CHST8: variants seen among roughly 807,000 people sequenced by gnomAD.
The protein encoded by CHST8 is GALNAC-4-ST1.
CHST8 carries 10 observed loss-of-function variants against 15.0 expected under a neutral mutation model. That is an observed-to-expected ratio of 0.67 (90% CI 0.41 to 1.13). CHST8 has a LOEUF of 1.13. Ranked by LOEUF, CHST8 falls within the 50% of genes most tolerant of loss-of-function variation. CHST8 has a pLI of 0.00. For synonymous variants in CHST8, 259 were observed against 256.6 expected (o/e 1.01, Z -0.09); for missense variants, 634 against 608.2 (o/e 1.04, Z -0.45).
At chr19:33,627,693 C>A (rs2145432975) in intron 1 of CHST8, among the ~76,000 whole-genome samples, 1 of 152,354 alleles carries the variant, frequency 6.6e-6, no homozygotes, top group East Asian at 1.9e-4. Context: ...AAATTAGAAT[C>A]ATCAACGTTG....
chr19:33,675,184 G>T (rs1487233389), intron 2 of CHST8, among the ~76,000 whole-genome samples: 1 of 152,122 alleles, frequency 6.6e-6, no homozygotes, highest in Non-Finnish European at 1.5e-5. Flanking sequence ...GTTTCATCCC[G>T]CTGTTTCCAG....
At chr19:33,645,372 C>T (rs1972339548) in intron 1 of CHST8, among the ~76,000 whole-genome samples, 1 of 152,176 alleles carries the variant, frequency 6.6e-6, no homozygotes, top group Non-Finnish European at 1.5e-5. Flanking sequence ...TATTTTAAAA[C>T]AGGTTCCCTG....
intron 3 of CHST8, among the ~76,000 whole-genome samples, chr19:33,701,007 T>C (rs1452981819): frequency 1.3e-5 from 2 of 152,050 alleles, no homozygotes; most frequent in East Asian, 3.9e-4. Context: ...CCGAGCCTAG[T>C]GGGTTTGATG....
chr19:33,739,593 T>C (rs1001326563), intron 3 of CHST8, among the ~76,000 whole-genome samples: 1 of 152,242 alleles, frequency 6.6e-6, no homozygotes, highest in African/African-American at 2.4e-5. Flanking sequence ...GTGGTTGATA[T>C]CTCACTGATA....
chr19:33,670,997 A>G (rs1972729617), intron 2 of CHST8, among the ~76,000 whole-genome samples: 1 of 152,178 alleles, frequency 6.6e-6, no homozygotes, highest in Admixed American at 6.5e-5. Flanking sequence ...GGACCCCGGC[A>G]TCCTGGCAGT....
intron 1 of CHST8, among the ~76,000 whole-genome samples, chr19:33,655,761 ATGT>A (rs1389387655): frequency 1.3e-5 from 2 of 151,674 alleles, no homozygotes; most frequent in African/African-American, 4.8e-5. Context: ...TTTCTTATTA[ATGT>A]TGTTTTTTTT....
At chr19:33,748,723 T>C (rs923102044) in intron 3 of CHST8, among the ~76,000 whole-genome samples, 11 of 152,168 alleles carry the variant, frequency 7.2e-5, no homozygotes, top group Non-Finnish European at 1.5e-4. Context: ...ATTATACAGA[T>C]AGTGAAACTG....
intron 3 of CHST8, among the ~76,000 whole-genome samples, chr19:33,691,131 A>G (rs980751077): frequency 6.6e-6 from 1 of 152,224 alleles, no homozygotes; most frequent in African/African-American, 2.4e-5. Flanking sequence ...AAGAGTGCTC[A>G]CTGCGCAGGT....
intron 3 of CHST8, among the ~76,000 whole-genome samples, chr19:33,756,812 A>G (rs1974555956): frequency 6.6e-6 from 1 of 152,176 alleles, no homozygotes; most frequent in Non-Finnish European, 1.5e-5. Context: ...TGACTTCTGA[A>G]CATGCAACCC....
chr19:33,657,359 C>T lies in CHST8; in HGVS notation c.-163-10408C>T, dbSNP rs1484405553. ...TCTCAGCTCACTGCAACCTCCACCT[C>T]CCAGGTTCAAGCAATTCTCCTGCCT... is the stretch of plus-strand genomic sequence containing the variant. On this transcript the variant is annotated intron_variant, in intron 1 of 4. Transcript: ENST00000650847. Among the ~76,000 whole-genome samples the T allele has an allele frequency of 2.6e-5, 4 of 151,920 alleles. No individual in the cohort carries two copies. In the East Asian group the frequency reaches 7.8e-4, roughly 29 times the overall value.
chr19:33,763,513 A>C (rs996952902), intron 3 of CHST8, among the ~76,000 whole-genome samples: 2 of 152,128 alleles, frequency 1.3e-5, no homozygotes, highest in African/African-American at 2.4e-5. Context: ...CTGGAACCCC[A>C]CGTACCTGTC....
intron 3 of CHST8, among the ~76,000 whole-genome samples, chr19:33,692,534 C>T (rs773113224): frequency 1.3e-5 from 2 of 150,704 alleles, no homozygotes; most frequent in African/African-American, 2.4e-5. Context: ...CCTGTCTCTA[C>T]AAAAAAAAAT....
chr19:33,748,416 C>T (rs1251195739), intron 3 of CHST8, among the ~76,000 whole-genome samples: 1 of 152,254 alleles, frequency 6.6e-6, no homozygotes, highest in Non-Finnish European at 1.5e-5. Flanking sequence ...GGGCTACCCG[C>T]TCGTTGGTGC....
At chr19:33,756,070 G>A (rs947481088) in intron 3 of CHST8, among the ~76,000 whole-genome samples, 1 of 152,178 alleles carries the variant, frequency 6.6e-6, no homozygotes, top group African/African-American at 2.4e-5. Context: ...CTTGGAGCAA[G>A]GAGACACCCC....
At chr19:33,707,166 C>T (rs918411394) in intron 3 of CHST8, among the ~76,000 whole-genome samples, 2 of 152,122 alleles carry the variant, frequency 1.3e-5, no homozygotes, top group Non-Finnish European at 2.9e-5. Flanking sequence ...GATCCTCCCA[C>T]CTCAGCCTCC....
chr19:33,677,557 C>G (rs937266871), intron 2 of CHST8, among the ~76,000 whole-genome samples: 2 of 152,222 alleles, frequency 1.3e-5, no homozygotes, highest in Non-Finnish European at 2.9e-5. Flanking sequence ...AGACCCAAGC[C>G]TGTTCCTCCA....
At position 33,772,884 on chromosome 19, in the gene CHST8, C is replaced by T; in HGVS notation, c.1096C>T (p.Arg366Trp). The stretch of plus-strand genomic sequence containing the variant: ...CTTCCTGAGCCTCATCCGCGCGCCG[C>T]GGAACCTGACCTTCCCCCGGTTCAA... ...NFFLSLIRAP[R>W]NLTFPRFKDR... is the part of the protein sequence containing the mutation. The change falls in exon 5 of 5, where the codon CGG (arginine) becomes TGG (tryptophan). Residue 366 changes from arginine to tryptophan, a missense_variant. Transcript: ENST00000650847. The T allele has an allele frequency of 1.2e-6, 2 of 1,613,520 alleles. No homozygotes were observed. Among genetic ancestry groups the T allele is most frequent in the South Asian group, 1.1e-5 (1 of 91,086 alleles).
chr19:33,631,723 C>A (rs944354757), intron 1 of CHST8, among the ~76,000 whole-genome samples: 1 of 152,140 alleles, frequency 6.6e-6, no homozygotes, highest in Non-Finnish European at 1.5e-5. Context: ...CCCTCTTCCA[C>A]GAGTTAATGT....
At chr19:33,676,734 G>A (rs1172016993) in intron 2 of CHST8, among the ~76,000 whole-genome samples, 3 of 149,330 alleles carry the variant, frequency 2.0e-5, no homozygotes, top group African/African-American at 4.9e-5. Flanking sequence ...AAAATTAGCT[G>A]GGTGTTATAG....
Sources: allele counts gnomAD v4.1 joint callset (sites outside exome capture counted in the v4.1 genomes callset), GRCh38; gene constraint gnomAD v4.1.1; transcripts MANE v1.5; gene names NCBI Gene and HGNC (gene_info 2026-07-23, HGNC 2026-07-21).